Variants in EEF2 observed in about 807,000 individuals in gnomAD.
EEF2 encodes elongation factor 2.
EEF2 carries 21 observed loss-of-function variants against 85.3 expected under a neutral mutation model. The ratio of observed to expected loss-of-function variants is 0.25; its 90% CI spans 0.17 to 0.35. The LOEUF (loss-of-function observed/expected upper bound fraction) is 0.35, where lower values mean the gene tolerates loss of function less well. Among genes scored for constraint, EEF2 ranks in the 10% least tolerant of loss-of-function variants. EEF2 has a pLI of 1.00. For synonymous variants in EEF2, 723 were observed against 508.8 expected (o/e 1.42, Z -5.67); for missense variants, 825 against 1,225.3 (o/e 0.67, Z 4.88).
At position 3,976,221 on chromosome 19, in the gene EEF2, T is replaced by G. The variant is rs2145354364; in HGVS notation, c.*333A>C. On this transcript the variant is annotated 3_prime_UTR_variant, in exon 15 of 15. Transcript: ENST00000309311. ...GGGCCATGTACCCAAATAAACCTCTTAATGCGTTTGTTAAAATTAGTTTGG... is the reference window on the plus strand; with the variant it reads ...GGGCCATGTACCCAAATAAACCTCTGAATGCGTTTGTTAAAATTAGTTTGG... 3.0e-6 allele frequency: 1 copy of G among 338,276 alleles called. No individual in the cohort carries two copies. The highest frequency in any genetic ancestry group is 5.5e-6 in the Non-Finnish European group (1 of 181,624). 21.0% of individuals were successfully genotyped at this position (338,276 alleles called of 1,614,324 possible). A position where few individuals can be genotyped will look rare whatever the true frequency, so the allele number is the denominator to read the frequency against.
chr19:3,979,932 A>G lies in EEF2; in HGVS notation c.1481T>C (p.Met494Thr). The G allele has an allele frequency of 6.2e-7, 1 of 1,613,888 alleles. No individual in the cohort carries two copies. The highest frequency in any genetic ancestry group is 8.5e-7 in the Non-Finnish European group (1 of 1,180,048). Reference sequence around the variant, plus strand: ...GCTGACGCTGAACTTCATCACCCGCATGTTGTGCGCGTGCTCGAAGGTGGT... The same window carrying G: ...GCTGACGCTGAACTTCATCACCCGCGTGTTGTGCGCGTGCTCGAAGGTGGT... ...TITTFEHAHNMRVMKFSVSPV... is the reference protein window; with the variant it reads ...TITTFEHAHNTRVMKFSVSPV... The change falls in exon 10 of 15, where the codon ATG (methionine) becomes ACG (threonine). Residue 494 changes from methionine (M) to threonine (T), a missense_variant. By Grantham distance (81) the Met-to-Thr change is moderately conservative. Coordinates refer to ENST00000309311, the MANE Select transcript of EEF2 (RefSeq NM_001961.4).
intron 7 of EEF2, 147 bp from the exon 8 acceptor site, chr19:3,981,126 C>CA: frequency 7.4e-7 from 1 of 1,343,074 alleles, no homozygotes; most frequent in African/African-American, 1.5e-5. Context: ...CGGCAAAGGC[C>CA]ATGCACACTC....
At position 3,976,524 on chromosome 19, in the gene EEF2, C is replaced by G. The variant is rs760625564; in HGVS notation, c.*30G>C. 2 of 1,579,070 alleles carry G rather than the reference C, an allele frequency of 1.3e-6. No homozygotes were observed. The highest frequency in any genetic ancestry group is 1.7e-6 in the Non-Finnish European group (2 of 1,163,460). ...TGGTGCTGTGGGTGCTGCGAGTCCC[C>G]GGGGCGGCAGGCGCTGCAGGAAGGG... is the stretch of plus-strand genomic sequence containing the variant. On this transcript the variant is annotated 3_prime_UTR_variant, in exon 15 of 15. Transcript: ENST00000309311.
chr19:3,979,704 G>A, intron 10 of EEF2, 104 bp downstream of exon 10: 1 of 1,502,030 alleles, frequency 6.7e-7, no homozygotes, highest in Non-Finnish European at 9.0e-7. Context: ...TTCATGACCA[G>A]TCACCCCAAT....
intron 2 of EEF2, 123 bp downstream of exon 2, chr19:3,984,013 A>C (rs188138412): frequency 2.9e-6 from 3 of 1,024,768 alleles, no homozygotes; most frequent in Non-Finnish European, 4.3e-6. Flanking sequence ...TCATTCTCCC[A>C]TGAATTAAGA....
In EEF2 at chr19:3,982,875, C is replaced by A. The variant is rs1335681785; in HGVS notation, c.544G>T (p.Val182Leu). 1.2e-6 allele frequency: 2 copies of A among 1,613,594 alleles called. No individual in the cohort carries two copies. Reference protein sequence around the residue: ...EELYQTFQRIVENVNVIISTY... With the variant: ...EELYQTFQRILENVNVIISTY... ...GAGATGATGACGTTCACGTTCTCCACGATGCGCTGGAAAGTCTGGTAGAGC... is the reference window on the plus strand; with the variant it reads ...GAGATGATGACGTTCACGTTCTCCAAGATGCGCTGGAAAGTCTGGTAGAGC... Residue 182 changes from valine to leucine, a missense_variant, in exon 4 of 15, where the codon GTG (valine) becomes TTG (leucine). Transcript: ENST00000309311.
At chr19:3,981,259 C>T (rs899702129) in intron 7 of EEF2, 80 bp downstream of exon 7, 6 of 1,391,626 alleles carry the variant, frequency 4.3e-6, no homozygotes, top group Middle Eastern at 2.2e-4. Context: ...AGGACTTCAG[C>T]CCCCAGGCCT....
At chr19:3,983,434 C>T in intron 2 of EEF2, 143 bp from the exon 3 acceptor site, 1 of 894,224 alleles carries the variant, frequency 1.1e-6, no homozygotes, top group Non-Finnish European at 1.7e-6. Flanking sequence ...CACCCTTGTC[C>T]TTTGCCTCTG....
intron 1 of EEF2, 66 bp downstream of exon 1, chr19:3,985,312 A>G (rs1160118427): frequency 7.3e-7 from 1 of 1,377,700 alleles, no homozygotes; most frequent in Non-Finnish European, 9.5e-7. Flanking sequence ...GTCCCAGGCT[A>G]GGCAGCGTAG....
chr19:3,979,237 A>C (rs1473708244), intron 11 of EEF2, 92 bp downstream of exon 11: 3 of 951,192 alleles, frequency 3.2e-6, no homozygotes, highest in Non-Finnish European at 4.9e-6. Context: ...GATCAAGTCT[A>C]GGCGTCTGCA....
At position 3,978,208 on chromosome 19, in the gene EEF2, G is replaced by C. The variant is rs779756129; in HGVS notation, c.1714-36C>G. 6 of 1,430,920 alleles carry C rather than the reference G, an allele frequency of 4.2e-6. No homozygotes were observed. The African/African-American group carries it at 4.3e-5, about 10-fold the overall frequency. The allele number at this position is 1,430,920 out of a possible 1,614,324, so 88.6% of individuals were successfully genotyped here. A position where few individuals can be genotyped will look rare whatever the true frequency, so the allele number is the denominator to read the frequency against. The stretch of plus-strand genomic sequence containing the variant: ...AGGTTAAGTCCCACTCTTGCCTGGA[G>C]AAAGAGGTGACCTTACACACAGACG... On this transcript the variant is annotated intron_variant, in intron 11 of 14. Transcript: ENST00000309311.
At chr19:3,981,912 G>A (rs376822923) in intron 6 of EEF2, 35 bp downstream of exon 6, 19 of 1,592,870 alleles carry the variant, frequency 1.2e-5, no homozygotes, top group African/African-American at 4.0e-5. Context: ...GCCAATAGTC[G>A]CATCGGCGGG....
Position 3,981,462 on chromosome 19 carries a change from C to T in EEF2, c.898-10G>A, listed in dbSNP as rs370446640. 3 of 1,611,528 alleles carry T rather than the reference C, an allele frequency of 1.9e-6. No homozygotes were observed. The highest frequency in any genetic ancestry group is 2.7e-5 in the African/African-American group (2 of 74,854). On this transcript the variant is annotated splice_polypyrimidine_tract_variant and intron_variant, in intron 6 of 14. Coordinates refer to ENST00000309311, the MANE Select transcript of EEF2 (RefSeq NM_001961.4). ...TGATCGCATCAAACACCTACATTCC[C>T]CACCAAGAAACAAGAAAGCCCATTT...
intron 2 of EEF2, 61 bp from the exon 3 acceptor site, chr19:3,983,352 G>T: frequency 6.4e-7 from 1 of 1,550,880 alleles, no homozygotes. Flanking sequence ...AGGGAGTCTG[G>T]GATGCTGTCA....
At chr19:3,982,142 A>C in intron 5 of EEF2, 90 bp from the exon 6 acceptor site, 1 of 1,596,460 alleles carries the variant, frequency 6.3e-7, no homozygotes, top group Non-Finnish European at 8.6e-7. Flanking sequence ...CTTGGGCAAG[A>C]CCTGGTGGGC....
chr19:3,983,305 G>A lies in EEF2; in HGVS notation c.219-14C>T, dbSNP rs373518967. On this transcript the variant is annotated splice_polypyrimidine_tract_variant and intron_variant, in intron 2 of 14. Transcript: ENST00000309311. ...AGGGAGATGGCACTGATGGAGGGAG[G>A]GACTCGTCAGGGGGACAGGAGCCAC... The A allele has an allele frequency of 1.6e-4, 260 of 1,609,932 alleles. 1 individual carries two copies. The Middle Eastern group carries it at 4.4e-3, about 28-fold the overall frequency.
At chr19:3,981,230 A>C in intron 7 of EEF2, 109 bp downstream of exon 7, 1 of 1,165,912 alleles carries the variant, frequency 8.6e-7, no homozygotes. Flanking sequence ...AAGGGGCAGC[A>C]GCTGTCCCTG....
intron 5 of EEF2, 43 bp from the exon 6 acceptor site, chr19:3,982,095 G>A (rs200629450): frequency 9.3e-6 from 15 of 1,608,406 alleles, no homozygotes; most frequent in Middle Eastern, 3.3e-4. Context: ...GGGTCTCCAG[G>A]GGATGACTTG....
chr19:3,984,123 A>C lies in EEF2; in HGVS notation c.218+13T>G. 1 of 1,613,112 alleles carries C rather than the reference A, an allele frequency of 6.2e-7. No individual in the cohort carries two copies. Among genetic ancestry groups the C allele is most frequent in the Non-Finnish European group, 8.5e-7 (1 of 1,179,520 alleles). ...ACCTCCCTGCCTGGGTACAGAGGGC[A>C]CAGGGAGCTCACGTTGACTTGATGG... On this transcript the variant is annotated intron_variant, in intron 2 of 14. Coordinates refer to ENST00000309311, the MANE Select transcript of EEF2 (RefSeq NM_001961.4).
Sources: gnomAD v4.1 joint callset for allele counts on GRCh38, gnomAD v4.1.1 for gene constraint, MANE v1.5 for transcripts, NCBI Gene and HGNC (gene_info 2026-07-23, HGNC 2026-07-21) for gene names.